ZNF708: variants seen among roughly 807,000 people sequenced by gnomAD.
ZNF708 encodes zinc finger protein 708.
ZNF708 carries 44 observed loss-of-function variants against 47.0 expected under a neutral mutation model. The observed-to-expected ratio is 0.94, with a 90% CI of 0.74 to 1.20. The LOEUF is 1.20. Among genes scored for constraint, ZNF708 ranks in the 50% most tolerant of loss-of-function variants. The pLI is 0.00. For synonymous variants in ZNF708, 184 were observed against 218.5 expected (o/e 0.84, Z 1.39); for missense variants, 557 against 656.0 (o/e 0.85, Z 1.65).
At chr19:21,322,722 C>T (rs1973178279) in intron 1 of ZNF708, among the ~76,000 whole-genome samples, 1 of 152,194 alleles carries the variant, frequency 6.6e-6, no homozygotes, top group Admixed American at 6.5e-5. Flanking sequence ...CCCAGACATC[C>T]AGAGTTTTAT....
rs1016541405 is a variant in ZNF708, at chr19:21,291,277, A to G, written c.*1997T>C. 2.6e-5 allele frequency: 4 copies of G among 152,168 alleles called. No individual in the cohort carries two copies. Among genetic ancestry groups the G allele is most frequent in the African/African-American group, 9.7e-5 (4 of 41,438 alleles). 9.4% of individuals were successfully genotyped at this position (152,168 alleles called of 1,614,324 possible). A position where few individuals can be genotyped will look rare whatever the true frequency, so the allele number is the denominator to read the frequency against. ...TCTTACTATAATGCAAAAGAATATT[A>G]CTCTAAACACCTACCTCATGCACCA... On this transcript the variant is annotated 3_prime_UTR_variant, in exon 4 of 4. Coordinates refer to ENST00000356929, the MANE Select transcript of ZNF708 (RefSeq NM_021269.3).
chr19:21,319,644 C>T (rs1203782310), intron 1 of ZNF708, among the ~76,000 whole-genome samples: 5 of 151,830 alleles, frequency 3.3e-5, no homozygotes, highest in African/African-American at 1.2e-4. Context: ...GAGAAAGCCA[C>T]GCGTGGCTGA....
chr19:21,305,633 A>AT (rs917195975), intron 3 of ZNF708, among the ~76,000 whole-genome samples: 8 of 148,564 alleles, frequency 5.4e-5, no homozygotes, highest in African/African-American at 9.9e-5. Context: ...TAATTTTCGT[A>AT]TTTTTTTTTA....
chr19:21,326,171 T>C (rs1052567999), intron 1 of ZNF708, among the ~76,000 whole-genome samples: 10 of 152,122 alleles, frequency 6.6e-5, no homozygotes, highest in Admixed American at 6.5e-5. Context: ...CTTAAAGAAC[T>C]AAAAGTAGGA....
intron 3 of ZNF708, among the ~76,000 whole-genome samples, chr19:21,306,212 CAAT>C (rs1316185083): frequency 6.6e-6 from 1 of 151,842 alleles, no homozygotes; most frequent in African/African-American, 2.4e-5. Flanking sequence ...ACAACAACAA[CAAT>C]AACCATTAAG....
At chr19:21,305,631 G>T (rs865847860) in intron 3 of ZNF708, among the ~76,000 whole-genome samples, 1 of 151,310 alleles carries the variant, frequency 6.6e-6, no homozygotes, top group African/African-American at 2.4e-5. Flanking sequence ...GCTAATTTTC[G>T]TATTTTTTTT....
rs878922020 is a variant in ZNF708 at position 21,293,845 on chromosome 19, T to A, written c.1121A>T (p.Asn374Ile). ...YKCEECGKAF[N>I]RSSHLTNHKV... ...ATGATTAGTAAGGTGTGAGGACCGG[T>A]TAAAAGCTTTGCCACATTCTTCACA... is the stretch of plus-strand genomic sequence containing the variant. The change falls in exon 4 of 4, where the codon AAC (asparagine) becomes ATC (isoleucine). Residue 374 changes from asparagine to isoleucine, a missense_variant. Asn to Ile is a moderately radical substitution (Grantham distance 149, BLOSUM62 -3). Transcript: ENST00000356929. The A allele has an allele frequency of 6.2e-7, 1 of 1,613,072 alleles. No individual in the cohort carries two copies. The highest frequency in any genetic ancestry group is 1.3e-5 in the African/African-American group (1 of 74,896).
chr19:21,306,288 T>G (rs1464946533), intron 3 of ZNF708, among the ~76,000 whole-genome samples: 1 of 152,086 alleles, frequency 6.6e-6, no homozygotes, highest in East Asian at 1.9e-4. Flanking sequence ...AGACAATGCC[T>G]CCTAGAAAAT....
chr19:21,322,407 T>C (rs1165267982), intron 1 of ZNF708, among the ~76,000 whole-genome samples: 1 of 152,042 alleles, frequency 6.6e-6, no homozygotes, highest in Non-Finnish European at 1.5e-5. Flanking sequence ...GTTCAAGTGA[T>C]TCTCCTTCCT....
intron 3 of ZNF708, among the ~76,000 whole-genome samples, chr19:21,297,421 T>C (rs1972562034): frequency 6.7e-6 from 1 of 150,284 alleles, no homozygotes; most frequent in South Asian, 2.1e-4. Context: ...AAAATTGTTT[T>C]ATTTTCTAAA....
In ZNF708 at chr19:21,307,143, TAAAATAAAATATAATATAAA is replaced by T. The variant is rs1185326199; in HGVS notation, c.226+2083_226+2102del. On this transcript the variant is annotated intron_variant, in intron 3 of 3. Transcript: ENST00000356929. ...ATATAAAATAAAAAATAAAATAAAA[TAAAATAAAATATAATATAAA>T]ATAAAATAAAATAAAATACAATAAA... 6.0e-5 allele frequency among the ~76,000 whole-genome samples: 8 copies of T among 132,798 alleles called. No individual in the cohort carries two copies. In the East Asian group the frequency reaches 1.8e-3, roughly 31 times the overall value. 87.1% of individuals were successfully genotyped at this position (132,798 alleles called of 152,430 possible). A position where few individuals can be genotyped will look rare whatever the true frequency, so the allele number is the denominator to read the frequency against.
At chr19:21,312,237 G>A (rs995899401) in intron 1 of ZNF708, among the ~76,000 whole-genome samples, 1 of 151,970 alleles carries the variant, frequency 6.6e-6, no homozygotes, top group Non-Finnish European at 1.5e-5. Context: ...AGAGGTTGCA[G>A]TGAGCTGAGA....
Position 21,291,781 on chromosome 19 carries a change from C to CCG in ZNF708, c.*1492_*1493insCG. Reference sequence around the variant, plus strand: ...TCAGTAGGCTGAGGCAGGAGAATTGCTTGAACCCAGGAGGCAGAGGTTGCA... The same window carrying CCG: ...TCAGTAGGCTGAGGCAGGAGAATTGCCGTTGAACCCAGGAGGCAGAGGTTGCA... On this transcript the variant is annotated 3_prime_UTR_variant, in exon 4 of 4. Coordinates refer to ENST00000356929, the MANE Select transcript of ZNF708 (RefSeq NM_021269.3). 6.6e-6 allele frequency: 1 copy of CCG among 152,284 alleles called. No homozygotes were observed. The highest frequency in any genetic ancestry group is 1.5e-5 in the Non-Finnish European group (1 of 68,154). The allele number at this position is 152,284 out of a possible 1,614,324, so 9.4% of individuals were successfully genotyped here. A position where few individuals can be genotyped will look rare whatever the true frequency, so the allele number is the denominator to read the frequency against.
intron 1 of ZNF708, among the ~76,000 whole-genome samples, chr19:21,315,432 G>A (rs1213468155): frequency 6.6e-6 from 1 of 152,176 alleles, no homozygotes; most frequent in Non-Finnish European, 1.5e-5. Flanking sequence ...ATCCTTAGGT[G>A]TTACAGAAAG....
At chr19:21,306,501 C>A (rs576760443) in intron 3 of ZNF708, among the ~76,000 whole-genome samples, 1 of 151,872 alleles carries the variant, frequency 6.6e-6, no homozygotes, top group Admixed American at 6.6e-5. Context: ...TATAGAGAAA[C>A]ACATAAAAAA....
chr19:21,292,375 C>T lies in ZNF708; in HGVS notation c.*899G>A, dbSNP rs1289046362. The T allele has an allele frequency of 6.6e-6, 1 of 152,210 alleles. No homozygotes were observed. Among genetic ancestry groups the T allele is most frequent in the Non-Finnish European group, 1.5e-5 (1 of 68,042 alleles). 9.4% of individuals were successfully genotyped at this position (152,210 alleles called of 1,614,324 possible). ...GTGAATTCTCTGATATTTACATAGACTTATTTTGGATTAAATGTTTTAAAT... is the reference window on the plus strand; with the variant it reads ...GTGAATTCTCTGATATTTACATAGATTTATTTTGGATTAAATGTTTTAAAT... On this transcript the variant is annotated 3_prime_UTR_variant, in exon 4 of 4. Transcript: ENST00000356929.
intron 1 of ZNF708, among the ~76,000 whole-genome samples, chr19:21,327,013 C>T (rs1172536110): frequency 6.6e-6 from 1 of 151,870 alleles, no homozygotes; most frequent in African/African-American, 2.4e-5. Flanking sequence ...CCTAAACTTA[C>T]TCTAAGAAAG....
chr19:21,310,660 A>G, intron 1 of ZNF708, 33 bp from the exon 2 acceptor site: 1 of 1,431,372 alleles, frequency 7.0e-7, no homozygotes, highest in Non-Finnish European at 9.2e-7. Context: ...CATATTTACC[A>G]AGTGGTTATG....
In ZNF708 at chr19:21,312,062, A is replaced by AG. The variant is rs377555930; in HGVS notation, c.4-1436dup. On this transcript the variant is annotated intron_variant, in intron 1 of 3. Transcript: ENST00000356929. ...GTAATCCCAGCACTTTGGGGGGCCA[A>AG]GGGGGGTGGATCTTCTGAGGTCAGA... is the stretch of plus-strand genomic sequence containing the variant. Among the ~76,000 whole-genome samples, 587 of 152,248 alleles carry AG rather than the reference A, an allele frequency of 3.9e-3. 3 individuals carry two copies. The highest frequency in any genetic ancestry group is 0.012 in the African/African-American group (492 of 41,530).
Sources: gnomAD v4.1 joint callset for allele counts (sites outside exome capture counted in the v4.1 genomes callset) on GRCh38, gnomAD v4.1.1 for gene constraint, MANE v1.5 for transcripts, NCBI Gene and HGNC (gene_info 2026-07-23, HGNC 2026-07-21) for gene names.